The following EPHA6 variants were observed in gnomAD, a reference collection of about 807,000 sequenced individuals.
EPHA6 encodes the protein EPH receptor A6, also known as ephrin type-A receptor 6.
EPHA6 carries 50 observed loss-of-function variants against 112.0 expected under a neutral mutation model. The ratio of observed to expected loss-of-function variants is 0.45; its 90% confidence interval spans 0.36 to 0.56. EPHA6 has a LOEUF of 0.56. Ranked by LOEUF, EPHA6 falls within the 20% of genes least tolerant of loss-of-function variation. The pLI is 0.00. For missense variants in EPHA6, 1,280 were observed against 1,417.4 expected (o/e 0.90, Z 1.56); for synonymous variants, 529 against 490.7 (o/e 1.08, Z -1.03).
chr3:96,928,703 A>T (rs974820930), intron 2 of EPHA6, among the ~76,000 whole-genome samples: 4 of 152,026 alleles, frequency 2.6e-5, no homozygotes, highest in Non-Finnish European at 5.9e-5. Flanking sequence ...GACTTGTTTA[A>T]TATTGTCAGT....
chr3:97,274,564 T>A (rs530477478), intron 5 of EPHA6, among the ~76,000 whole-genome samples: 1 of 152,300 alleles, frequency 6.6e-6, no homozygotes, highest in South Asian at 2.1e-4. Flanking sequence ...TGATGCGTAG[T>A]CCTTTTGCAA....
intron 5 of EPHA6, among the ~76,000 whole-genome samples, chr3:97,331,276 A>G (rs1486179020): frequency 1.3e-5 from 2 of 152,178 alleles, no homozygotes; most frequent in East Asian, 3.9e-4. Flanking sequence ...TATAGCACTA[A>G]ATGCCCACAA....
chr3:97,542,806 A>T (rs1369732421), intron 11 of EPHA6, among the ~76,000 whole-genome samples: 1 of 152,202 alleles, frequency 6.6e-6, no homozygotes, highest in Admixed American at 6.5e-5. Context: ...GTGAGATGGT[A>T]TCCCATTGTG....
At chr3:97,436,015 TTAG>T (rs1309364109) in intron 6 of EPHA6, among the ~76,000 whole-genome samples, 1 of 152,192 alleles carries the variant, frequency 6.6e-6, no homozygotes, top group East Asian at 1.9e-4. Context: ...AATGTATTTA[TTAG>T]TATTATATTA....
intron 6 of EPHA6, among the ~76,000 whole-genome samples, chr3:97,423,270 A>C (rs2107195424): frequency 6.6e-6 from 1 of 152,350 alleles, no homozygotes; most frequent in Non-Finnish European, 1.5e-5. Flanking sequence ...ATCTTTGCCC[A>C]AAAGCTCCTA....
chr3:97,749,020 T>G lies in EPHA6; in HGVS notation c.*319T>G, dbSNP rs1023963938. ...GTTCACGGACTTAACCTAAAAAAAT[T>G]TATCCAGGTGGGGCTTCCTTAGTGA... is the stretch of plus-strand genomic sequence containing the variant. On this transcript the variant is annotated 3_prime_UTR_variant, in exon 18 of 18. Transcript: ENST00000389672. 1.3e-5 allele frequency: 4 copies of G among 319,804 alleles called. No homozygotes were observed. The highest frequency in any genetic ancestry group is 1.2e-4 in the Admixed American group (3 of 24,220). The allele number at this position is 319,804 out of a possible 1,614,324, so 19.8% of individuals were successfully genotyped here. A position where few individuals can be genotyped will look rare whatever the true frequency, so the allele number is the denominator to read the frequency against.
intron 14 of EPHA6, among the ~76,000 whole-genome samples, chr3:97,670,671 C>T (rs1041334553): frequency 1.3e-5 from 2 of 152,140 alleles, no homozygotes; most frequent in Admixed American, 6.6e-5. Context: ...ATTCATAATG[C>T]CTTCAAACAG....
chr3:97,436,079 A>G (rs1224625694), intron 6 of EPHA6, among the ~76,000 whole-genome samples: 1 of 152,118 alleles, frequency 6.6e-6, no homozygotes, highest in Non-Finnish European at 1.5e-5. Context: ...CAGTATCTTG[A>G]CAAGCCTTTA....
At chr3:97,025,076 G>A (rs1041571316) in intron 3 of EPHA6, among the ~76,000 whole-genome samples, 8 of 152,180 alleles carry the variant, frequency 5.3e-5, no homozygotes, top group African/African-American at 1.7e-4. Context: ...TCTAAGCTCA[G>A]TTTTGCCACT....
intron 11 of EPHA6, among the ~76,000 whole-genome samples, chr3:97,581,760 T>C (rs1221442555): frequency 6.6e-6 from 1 of 152,254 alleles, no homozygotes; most frequent in East Asian, 1.9e-4. Context: ...GCTCCACACC[T>C]GTGCTCTTCC....
intron 3 of EPHA6, among the ~76,000 whole-genome samples, chr3:97,128,323 C>T (rs894879431): frequency 6.6e-6 from 1 of 152,116 alleles, no homozygotes. Flanking sequence ...ACATGCATGC[C>T]AGTGTCTTTT....
At chr3:97,167,674 A>G (rs1401308507) in intron 3 of EPHA6, among the ~76,000 whole-genome samples, 1 of 152,084 alleles carries the variant, frequency 6.6e-6, no homozygotes, top group East Asian at 1.9e-4. Context: ...TCTTTTTAAT[A>G]CTATCAAACT....
intron 4 of EPHA6, among the ~76,000 whole-genome samples, chr3:97,241,835 T>A (rs2078858556): frequency 6.6e-6 from 1 of 150,378 alleles, no homozygotes; most frequent in Non-Finnish European, 1.5e-5. Flanking sequence ...ACATAATTGA[T>A]AATATTCTTC....
At chr3:96,901,642 A>C (rs183184932) in intron 2 of EPHA6, among the ~76,000 whole-genome samples, 1 of 152,176 alleles carries the variant, frequency 6.6e-6, no homozygotes, top group African/African-American at 2.4e-5. Context: ...CAAAAGGCTG[A>C]GAGTGGTGTG....
chr3:96,901,977 C>A (rs1175411053), intron 2 of EPHA6, among the ~76,000 whole-genome samples: 1 of 152,084 alleles, frequency 6.6e-6, no homozygotes, highest in African/African-American at 2.4e-5. Context: ...ACAAATAAGT[C>A]ACAGGAACTT....
At chr3:97,432,210 G>A (rs915756665) in intron 6 of EPHA6, among the ~76,000 whole-genome samples, 2 of 152,082 alleles carry the variant, frequency 1.3e-5, no homozygotes, top group Non-Finnish European at 2.9e-5. Flanking sequence ...TGTTCTGGGA[G>A]ATTAATTTAC....
chr3:97,200,992 G>T (rs193017642), intron 3 of EPHA6, among the ~76,000 whole-genome samples: 58 of 152,092 alleles, frequency 3.8e-4, no homozygotes, highest in African/African-American at 1.4e-3. Flanking sequence ...AGGTACTTTG[G>T]CTCAGAAATT....
chr3:97,344,826 C>G (rs1373462639), intron 5 of EPHA6, among the ~76,000 whole-genome samples: 1 of 151,666 alleles, frequency 6.6e-6, no homozygotes, highest in Non-Finnish European at 1.5e-5. Context: ...TTTTTATTAG[C>G]TTGGAAAGAA....
At chr3:97,194,110 G>A (rs967621543) in intron 3 of EPHA6, among the ~76,000 whole-genome samples, 5 of 151,594 alleles carry the variant, frequency 3.3e-5, no homozygotes, top group African/African-American at 1.2e-4. Context: ...TTCTAATTTT[G>A]AGTTTGGTTT....
Sources: allele counts gnomAD v4.1 joint callset (sites outside exome capture counted in the v4.1 genomes callset), GRCh38; gene constraint gnomAD v4.1.1; transcripts MANE v1.5; gene names NCBI Gene and HGNC (gene_info 2026-07-23, HGNC 2026-07-21).